IPO11: variants seen among roughly 807,000 people sequenced by gnomAD.
IPO11 encodes the protein importin-11.
A neutral mutation model predicts 143.2 loss-of-function variants in IPO11; 66 were observed. The observed-to-expected ratio is 0.46, with a 90% CI of 0.38 to 0.57. The LOEUF (loss-of-function observed/expected upper bound fraction) is 0.57. Among genes scored for constraint, IPO11 ranks in the 20% least tolerant of loss-of-function variants. The pLI, the probability that IPO11 is intolerant of heterozygous loss-of-function variation, is 0.00. For missense variants in IPO11, 1,026 were observed against 1,141.0 expected, an observed-to-expected ratio of 0.90 and a Z score of 1.45; for synonymous variants, 385 against 377.8, an observed-to-expected ratio of 1.02 and a Z score of -0.22.
intron 29 of IPO11, among the ~76,000 whole-genome samples, chr5:62,615,823 A>G (rs2112472759): frequency 6.6e-6 from 1 of 152,152 alleles, no homozygotes; most frequent in South Asian, 2.1e-4. Context: ...TCCTTATCCT[A>G]TCTCAGGTTT....
intron 24 of IPO11, among the ~76,000 whole-genome samples, chr5:62,543,587 T>C (rs1362892594): frequency 6.6e-6 from 1 of 152,246 alleles, no homozygotes; most frequent in East Asian, 1.9e-4. Flanking sequence ...TTCTTCTTTA[T>C]TAGTCTTGCT....
In IPO11 at chr5:62,586,017, A is replaced by T. The variant is rs148511065; in HGVS notation, c.2583-5560A>T. 9.9e-4 allele frequency among the ~76,000 whole-genome samples: 150 copies of T among 152,148 alleles called. 2 individuals carry two copies. The highest frequency in any genetic ancestry group is 7.9e-3 in the East Asian group (41 of 5,164). On this transcript the variant is annotated intron_variant, in intron 27 of 29. Transcript: ENST00000325324. ...TTTGGTTTCCTTGTTTTTGTTGGGG[A>T]GGCACTCATAAGTTTGGTGTTGGAT... is the stretch of plus-strand genomic sequence containing the variant.
At chr5:62,511,391 C>T (rs2112273821) in intron 19 of IPO11, among the ~76,000 whole-genome samples, 1 of 152,230 alleles carries the variant, frequency 6.6e-6, no homozygotes, top group East Asian at 1.9e-4. Context: ...AGATAGAACA[C>T]TTAGCAATAT....
chr5:62,442,618 G>A (rs1419398497), intron 2 of IPO11, among the ~76,000 whole-genome samples: 1 of 152,146 alleles, frequency 6.6e-6, no homozygotes, highest in Non-Finnish European at 1.5e-5. Context: ...CAGCACTTTG[G>A]GAGGCCAAGG....
intron 24 of IPO11, among the ~76,000 whole-genome samples, chr5:62,539,564 A>C (rs1561354364): frequency 1.3e-5 from 2 of 152,228 alleles, no homozygotes; most frequent in African/African-American, 4.8e-5. Context: ...TTACCAAAGA[A>C]TCATGTGGGC....
In IPO11 at chr5:62,510,157, AACTTT is replaced by A. The variant is rs772003902; in HGVS notation, c.1782+3801_1782+3805del. Among the ~76,000 whole-genome samples the A allele has an allele frequency of 8.3e-4, 127 of 152,260 alleles. 1 individual carries two copies. The highest frequency in any genetic ancestry group is 3.4e-3 in the Middle Eastern group (1 of 294). ...CTTGCATTTCCCTAATGACTGCAAA[AACTTT>A]CTTAGTTCTATGTGATTTTTAAAAT... On this transcript the variant is annotated intron_variant, in intron 19 of 29. Transcript: ENST00000325324.
intron 14 of IPO11, 148 bp downstream of exon 14, chr5:62,489,497 G>C: frequency 1.8e-6 from 1 of 544,648 alleles, no homozygotes; most frequent in Non-Finnish European, 3.2e-6. Flanking sequence ...CAAGTAAACA[G>C]ATAATGTATT....
At chr5:62,487,963 T>C in intron 13 of IPO11, 102 bp downstream of exon 13, 1 of 935,594 alleles carries the variant, frequency 1.1e-6, no homozygotes, top group Non-Finnish European at 1.6e-6. Context: ...TCCTGGGTCA[T>C]ATAATAAATA....
chr5:62,623,652 T>C (rs1191039605), intron 29 of IPO11, among the ~76,000 whole-genome samples: 3 of 151,182 alleles, frequency 2.0e-5, no homozygotes, highest in South Asian at 2.1e-4. Context: ...TTTCTTTTTT[T>C]TTTTTTTTTT....
intron 26 of IPO11, among the ~76,000 whole-genome samples, chr5:62,551,620 A>G (rs1159845111): frequency 6.6e-6 from 1 of 152,160 alleles, no homozygotes; most frequent in East Asian, 1.9e-4. Context: ...CTTCACTGAT[A>G]CAGAATCTGG....
intron 29 of IPO11, among the ~76,000 whole-genome samples, chr5:62,624,760 G>A (rs763422054): frequency 3.9e-5 from 6 of 151,974 alleles, no homozygotes; most frequent in African/African-American, 1.2e-4. Flanking sequence ...TGAGGTGGGC[G>A]GATCATGAGG....
intron 22 of IPO11, among the ~76,000 whole-genome samples, chr5:62,532,249 A>G (rs1742573478): frequency 2.0e-5 from 3 of 152,250 alleles, no homozygotes; most frequent in African/African-American, 7.2e-5. Context: ...AGATTTAAAT[A>G]CAAAGCATAT....
At chr5:62,598,115 G>A (rs565679138) in intron 28 of IPO11, among the ~76,000 whole-genome samples, 1 of 152,234 alleles carries the variant, frequency 6.6e-6, no homozygotes, top group South Asian at 2.1e-4. Flanking sequence ...GTCTTCTTAT[G>A]TCTAATTGGC....
chr5:62,596,255 C>A (rs1745210686), intron 28 of IPO11, among the ~76,000 whole-genome samples: 2 of 113,106 alleles, frequency 1.8e-5, no homozygotes. Context: ...GGTGACAGAC[C>A]AAGGCCCTGT....
Position 62,569,246 on chromosome 5 carries a change from T to C in IPO11, c.2582+7989T>C, listed in dbSNP as rs529259956. Among the ~76,000 whole-genome samples the C allele has an allele frequency of 3.3e-5, 5 of 152,296 alleles. No homozygotes were observed. In the East Asian group the frequency reaches 9.6e-4, roughly 29 times the overall value. ...GCTTCTGTCTCTGCCCTTTACTGCC[T>C]GGATTTGGGATAGGAATGGTATAGG... is the stretch of plus-strand genomic sequence containing the variant. On this transcript the variant is annotated intron_variant, in intron 27 of 29. Transcript: ENST00000325324.
chr5:62,479,497 C>T (rs1746104391), intron 9 of IPO11, among the ~76,000 whole-genome samples: 1 of 152,122 alleles, frequency 6.6e-6, no homozygotes, highest in South Asian at 2.1e-4. Context: ...GTTCTAGATC[C>T]TTGAGGAATC....
At chr5:62,476,853 A>C in intron 9 of IPO11, 100 bp downstream of exon 9, 1 of 1,248,910 alleles carries the variant, frequency 8.0e-7, no homozygotes, top group Non-Finnish European at 1.1e-6. Flanking sequence ...ACTTTAGTGT[A>C]AGGAAACCTA....
chr5:62,450,756 G>A (rs935940503), intron 4 of IPO11, among the ~76,000 whole-genome samples: 2 of 150,336 alleles, frequency 1.3e-5, no homozygotes, highest in African/African-American at 2.4e-5. Context: ...GTGGCAGCTA[G>A]ATAGTAAATT....
At chr5:62,579,882 G>A (rs374694422) in intron 27 of IPO11, 16 of 1,550,508 alleles carry the variant, frequency 1.0e-5, no homozygotes, top group South Asian at 4.8e-5. Context: ...CTTTTGTTCC[G>A]AGAGGAGTAT....
Sources: gnomAD v4.1 joint callset for allele counts (sites outside exome capture counted in the v4.1 genomes callset) on GRCh38, gnomAD v4.1.1 for gene constraint, MANE v1.5 for transcripts, NCBI Gene and HGNC (gene_info 2026-07-23, HGNC 2026-07-21) for gene names.